PIGK: variants seen among roughly 807,000 people sequenced by gnomAD.
PIGK encodes the protein GPI-anchor transamidase.
In PIGK, 42 loss-of-function variants were observed where a neutral mutation model predicts 50.6. That is an observed-to-expected ratio of 0.83 (90% CI 0.65 to 1.07). The LOEUF (loss-of-function observed/expected upper bound fraction) is 1.07. Among genes scored for constraint, PIGK ranks in the 50% least tolerant of loss-of-function variants. The pLI is 0.00. For missense variants in PIGK, 448 were observed against 488.7 expected, an observed-to-expected ratio of 0.92 and a Z score of 0.78; for synonymous variants, 151 against 156.0, an observed-to-expected ratio of 0.97 and a Z score of 0.24.
intron 3 of PIGK, among the ~76,000 whole-genome samples, chr1:77,193,641 A>G (rs1421753622): frequency 6.6e-6 from 1 of 152,186 alleles, no homozygotes; most frequent in African/African-American, 2.4e-5. Flanking sequence ...AACACAAGTC[A>G]AATTCTTACA....
intron 9 of PIGK, among the ~76,000 whole-genome samples, chr1:77,145,731 T>C (rs1032124350): frequency 1.3e-5 from 2 of 151,732 alleles, no homozygotes; most frequent in Admixed American, 6.6e-5. Context: ...GCAAAGAACC[T>C]AGAACACTGA....
intron 8 of PIGK, among the ~76,000 whole-genome samples, chr1:77,157,340 G>A (rs568487127): frequency 1.3e-5 from 2 of 152,212 alleles, no homozygotes; most frequent in South Asian, 4.2e-4. Context: ...AGGTGGTAGG[G>A]TAAGATGAGG....
chr1:77,139,360 C>A (rs1654593062), intron 9 of PIGK, among the ~76,000 whole-genome samples: 1 of 151,808 alleles, frequency 6.6e-6, no homozygotes, highest in Non-Finnish European at 1.5e-5. Context: ...ATAAGTCACA[C>A]AGTCCCCTGT....
intron 8 of PIGK, among the ~76,000 whole-genome samples, chr1:77,154,868 A>C (rs1357486256): frequency 6.6e-6 from 1 of 152,174 alleles, no homozygotes; most frequent in Non-Finnish European, 1.5e-5. Context: ...AGGCATACTC[A>C]CTTTCTTGAA....
chr1:77,114,864 C>G (rs1299370115), intron 10 of PIGK, among the ~76,000 whole-genome samples: 1 of 152,080 alleles, frequency 6.6e-6, no homozygotes, highest in African/African-American at 2.4e-5. Flanking sequence ...CACTAGACAT[C>G]AGTTTTAAAG....
At chr1:77,121,841 C>T (rs1654100461) in intron 10 of PIGK, among the ~76,000 whole-genome samples, 1 of 152,164 alleles carries the variant, frequency 6.6e-6, no homozygotes, top group Admixed American at 6.5e-5. Context: ...CAGAATTATA[C>T]TTTGCAAGGG....
rs111354508 is a variant in PIGK at position 77,098,265 on chromosome 1, A to T, written c.1072-5775T>A. ...AGAAGAAAAAAAAGAGATAAAATGT[A>T]GGAGAATCTGTACGATAAGGCTATT... On this transcript the variant is annotated intron_variant, in intron 10 of 10. Coordinates refer to ENST00000370812, the MANE Select transcript of PIGK (RefSeq NM_005482.3). 4.7e-3 allele frequency among the ~76,000 whole-genome samples: 710 copies of T among 152,290 alleles called. 4 individuals are homozygous for T. Among genetic ancestry groups the T allele is most frequent in the Middle Eastern group, 0.027 (8 of 294 alleles).
intron 9 of PIGK, among the ~76,000 whole-genome samples, chr1:77,127,239 A>G (rs1654252552): frequency 6.6e-6 from 1 of 152,108 alleles, no homozygotes; most frequent in South Asian, 2.1e-4. Flanking sequence ...TTTCTCTTTC[A>G]TGTTTATCCA....
intron 3 of PIGK, among the ~76,000 whole-genome samples, chr1:77,175,436 AG>A (rs1655460559): frequency 6.6e-6 from 1 of 152,188 alleles, no homozygotes; most frequent in South Asian, 2.1e-4. Flanking sequence ...AAGTCATGAA[AG>A]GATTCATGAA....
intron 3 of PIGK, among the ~76,000 whole-genome samples, chr1:77,176,223 C>T (rs1655486988): frequency 6.6e-6 from 1 of 152,076 alleles, no homozygotes; most frequent in Non-Finnish European, 1.5e-5. Flanking sequence ...TGATAGGCTT[C>T]CTAAAATCAA....
intron 6 of PIGK, among the ~76,000 whole-genome samples, chr1:77,162,981 G>A (rs1409362120): frequency 6.6e-6 from 1 of 152,110 alleles, no homozygotes; most frequent in Non-Finnish European, 1.5e-5. Flanking sequence ...CTGTGCCTCA[G>A]TTCACTCACT....
At chr1:77,170,901 T>C (rs1454908511) in intron 3 of PIGK, among the ~76,000 whole-genome samples, 1 of 152,196 alleles carries the variant, frequency 6.6e-6, no homozygotes, top group Non-Finnish European at 1.5e-5. Context: ...ACTGAAACAT[T>C]ATTTTTCTTG....
intron 1 of PIGK, among the ~76,000 whole-genome samples, chr1:77,211,414 C>A (rs1656418276): frequency 1.3e-5 from 2 of 151,860 alleles, no homozygotes; most frequent in Admixed American, 1.3e-4. Context: ...TTGTAACTTT[C>A]AAAATCTCCT....
In PIGK at chr1:77,132,872, T is replaced by C. The variant is rs77699392; in HGVS notation, c.987-10513A>G. On this transcript the variant is annotated intron_variant, in intron 9 of 10. Coordinates refer to ENST00000370812, the MANE Select transcript of PIGK (RefSeq NM_005482.3). ...CTTTAAACATGTCATTCTATTGTTT[T>C]ATGGTTCTGATTGTAATAATATGTC... 2.5e-3 allele frequency among the ~76,000 whole-genome samples: 384 copies of C among 152,236 alleles called. 1 individual carries two copies. Among genetic ancestry groups the C allele is most frequent in the Non-Finnish European group, 4.3e-3 (294 of 67,950 alleles).
chr1:77,095,303 G>A (rs1653384284), intron 10 of PIGK, among the ~76,000 whole-genome samples: 1 of 152,128 alleles, frequency 6.6e-6, no homozygotes, highest in South Asian at 2.1e-4. Context: ...CAGAAACAAG[G>A]ATTAGAAACA....
chr1:77,192,830 A>C (rs1397128967), intron 3 of PIGK, among the ~76,000 whole-genome samples: 2 of 152,210 alleles, frequency 1.3e-5, no homozygotes, highest in Non-Finnish European at 2.9e-5. Flanking sequence ...AGTCCTAAAA[A>C]TAAGCTCTCT....
chr1:77,109,525 T>C (rs1570187059), intron 10 of PIGK, among the ~76,000 whole-genome samples: 1 of 152,294 alleles, frequency 6.6e-6, no homozygotes, highest in Non-Finnish European at 1.5e-5. Context: ...ATTATCTCAA[T>C]AGATGCAGAA....
intron 9 of PIGK, among the ~76,000 whole-genome samples, chr1:77,131,343 T>C (rs113985694): frequency 4.6e-5 from 7 of 152,146 alleles, no homozygotes; most frequent in African/African-American, 1.2e-4. Flanking sequence ...TTCCATTACA[T>C]AGCATCTGTG....
At chr1:77,192,999 G>T (rs988244367) in intron 3 of PIGK, among the ~76,000 whole-genome samples, 1 of 152,062 alleles carries the variant, frequency 6.6e-6, no homozygotes, top group Non-Finnish European at 1.5e-5. Flanking sequence ...AAATATATAA[G>T]TTAACAGACA....
Sources: allele counts gnomAD v4.1 joint callset (sites outside exome capture counted in the v4.1 genomes callset), GRCh38; gene constraint gnomAD v4.1.1; transcripts MANE v1.5; gene names NCBI Gene and HGNC (gene_info 2026-07-23, HGNC 2026-07-21).